Variants in ZFPM2 observed in about 807,000 individuals in gnomAD.
ZFPM2 encodes the protein zinc finger protein, FOG family member 2.
A neutral mutation model predicts 98.6 loss-of-function variants in ZFPM2; 20 were observed. The observed-to-expected ratio is 0.20, with a 90% CI of 0.14 to 0.29. The LOEUF is 0.29. ZFPM2 is among the 10% of genes least tolerant of loss of function. ZFPM2 has a pLI of 1.00. For synonymous variants in ZFPM2, 518 were observed against 502.7 expected, an observed-to-expected ratio of 1.03 and a Z score of -0.41; for missense variants, 1,310 against 1,388.6, an observed-to-expected ratio of 0.94 and a Z score of 0.90.
At chr8:105,462,743 AT>A (rs5893743) in intron 3 of ZFPM2, among the ~76,000 whole-genome samples, 70,992 of 151,712 alleles carry the variant, frequency 0.47, 17,233 homozygotes, top group East Asian at 0.63. Flanking sequence ...TTGTATACAG[AT>A]TTTTTTTGTC....
chr8:105,736,740 AT>A (rs1395249685), intron 5 of ZFPM2, among the ~76,000 whole-genome samples: 5 of 152,044 alleles, frequency 3.3e-5, no homozygotes, highest in Non-Finnish European at 7.4e-5. Flanking sequence ...ATATTTTGTA[AT>A]TTATTAGACA....
chr8:105,780,083 T>C (rs1813205602), intron 5 of ZFPM2, among the ~76,000 whole-genome samples: 1 of 152,228 alleles, frequency 6.6e-6, no homozygotes, highest in East Asian at 1.9e-4. Context: ...AAGGTCTTAG[T>C]AGTTATTCCT....
In ZFPM2 at chr8:105,801,697, A is replaced by G; in HGVS notation, c.1615A>G (p.Ile539Val). Residue 539 changes from isoleucine to valine, a missense_variant, in exon 8 of 8, where the codon ATT becomes GTT. Coordinates refer to ENST00000407775, the MANE Select transcript of ZFPM2 (RefSeq NM_012082.4). The stretch of plus-strand genomic sequence containing the variant: ...TGGCAGTAGTAGCTACCCTCCCGTC[A>G]TTTACAGCCCTTTGATGCCCAAGGG... ...RHGSSSYPPVIYSPLMPKGAT... is the reference protein window; with the variant it reads ...RHGSSSYPPVVYSPLMPKGAT... The G allele has an allele frequency of 6.2e-7, 1 of 1,613,806 alleles. No homozygotes were observed. The highest frequency in any genetic ancestry group is 2.2e-5 in the East Asian group (1 of 44,850).
intron 3 of ZFPM2, among the ~76,000 whole-genome samples, chr8:105,468,980 G>A (rs1206113462): frequency 7.0e-6 from 1 of 143,722 alleles, no homozygotes; most frequent in African/African-American, 2.6e-5. Context: ...TTTTTTTTAT[G>A]TGAGTGATTC....
chr8:105,321,577 G>T (rs1324952942), intron 1 of ZFPM2, among the ~76,000 whole-genome samples: 1 of 151,834 alleles, frequency 6.6e-6, no homozygotes, highest in African/African-American at 2.4e-5. Flanking sequence ...CAATTTAAAG[G>T]ACAAAAAGGT....
intron 5 of ZFPM2, among the ~76,000 whole-genome samples, chr8:105,713,368 G>T (rs1315089931): frequency 2.0e-5 from 3 of 151,730 alleles, no homozygotes; most frequent in Non-Finnish European, 4.4e-5. Context: ...TTTTTAATAG[G>T]GTTATTTGTT....
In ZFPM2 at chr8:105,458,593, A is replaced by G. The variant is rs535292778; in HGVS notation, c.301+14212A>G. ...TGCCACTTACAGAATTAAGTAGGCT[A>G]TATGCCAAATAATATAAAAATGATC... On this transcript the variant is annotated intron_variant, in intron 3 of 7. Coordinates refer to ENST00000407775, the MANE Select transcript of ZFPM2 (RefSeq NM_012082.4). Among the ~76,000 whole-genome samples the G allele has an allele frequency of 1.4e-3, 210 of 152,344 alleles. 2 individuals are homozygous for G. Among genetic ancestry groups the G allele is most frequent in the African/African-American group, 4.7e-3 (197 of 41,590 alleles).
chr8:105,417,802 G>T (rs1023457409), intron 1 of ZFPM2, among the ~76,000 whole-genome samples: 4 of 152,104 alleles, frequency 2.6e-5, no homozygotes, highest in Non-Finnish European at 5.9e-5. Context: ...CATATGGAAT[G>T]TATAATAAAA....
chr8:105,538,125 T>A (rs1416632283), intron 3 of ZFPM2, among the ~76,000 whole-genome samples: 1 of 152,298 alleles, frequency 6.6e-6, no homozygotes, highest in South Asian at 2.1e-4. Context: ...TGAATTCATA[T>A]CCCTCAGTAA....
chr8:105,480,092 A>G (rs987844716), intron 3 of ZFPM2, among the ~76,000 whole-genome samples: 11 of 152,172 alleles, frequency 7.2e-5, no homozygotes, highest in Non-Finnish European at 1.5e-4. Flanking sequence ...TGATTATGGT[A>G]GTACATTGTT....
intron 5 of ZFPM2, among the ~76,000 whole-genome samples, chr8:105,766,947 G>A (rs1184955947): frequency 6.6e-6 from 1 of 151,888 alleles, no homozygotes; most frequent in African/African-American, 2.4e-5. Context: ...TTAAGAAATA[G>A]TCAAGCAAAT....
chr8:105,368,304 C>T (rs1467852367), intron 1 of ZFPM2, among the ~76,000 whole-genome samples: 3 of 151,950 alleles, frequency 2.0e-5, no homozygotes, highest in Admixed American at 6.6e-5. Flanking sequence ...AGGAATGGTA[C>T]CAGTACCACA....
rs568757623 is a variant in ZFPM2, at chr8:105,803,685, A to T, written c.*147A>T. 80 of 736,082 alleles carry T rather than the reference A, an allele frequency of 1.1e-4. No homozygotes were observed. The highest frequency in any genetic ancestry group is 1.6e-4 in the Non-Finnish European group (72 of 455,314). The allele number at this position is 736,082 out of a possible 1,614,324, so 45.6% of individuals were successfully genotyped here. On this transcript the variant is annotated 3_prime_UTR_variant, in exon 8 of 8. Coordinates refer to ENST00000407775, the MANE Select transcript of ZFPM2 (RefSeq NM_012082.4). ...AGTTGAAGACTTAAGGTGTAATTTCATTACAGTCCATTAGTAAAGTGTATT... is the reference window on the plus strand; with the variant it reads ...AGTTGAAGACTTAAGGTGTAATTTCTTTACAGTCCATTAGTAAAGTGTATT...
At chr8:105,460,756 A>G (rs1180837761) in intron 3 of ZFPM2, among the ~76,000 whole-genome samples, 3 of 151,188 alleles carry the variant, frequency 2.0e-5, no homozygotes, top group African/African-American at 7.3e-5. Context: ...TCTTATGGTT[A>G]TACATACAAA....
intron 5 of ZFPM2, among the ~76,000 whole-genome samples, chr8:105,661,409 A>C: frequency 6.6e-6 from 1 of 152,214 alleles, no homozygotes; most frequent in Admixed American, 6.5e-5. Flanking sequence ...TTCTGCGAAT[A>C]TAGGTCTGCA....
At chr8:105,400,311 G>T (rs1000580634) in intron 1 of ZFPM2, among the ~76,000 whole-genome samples, 1 of 151,144 alleles carries the variant, frequency 6.6e-6, no homozygotes, top group African/African-American at 2.4e-5. Context: ...TGTGCACATT[G>T]TGCAGGTTAG....
chr8:105,561,235 C>G (rs889398036), intron 3 of ZFPM2, 128 bp from the exon 4 acceptor site: 2 of 724,674 alleles, frequency 2.8e-6, no homozygotes, highest in African/African-American at 1.8e-5. Context: ...GTTTTTCAGA[C>G]AAGCATAATT....
intron 5 of ZFPM2, among the ~76,000 whole-genome samples, chr8:105,738,926 T>C (rs915780612): frequency 6.6e-6 from 1 of 152,096 alleles, no homozygotes; most frequent in African/African-American, 2.4e-5. Context: ...ATTAGAAGAA[T>C]CCCTTAGGTC....
chr8:105,659,695 A>G (rs1817351839), intron 5 of ZFPM2, among the ~76,000 whole-genome samples: 1 of 152,216 alleles, frequency 6.6e-6, no homozygotes, highest in African/African-American at 2.4e-5. Flanking sequence ...CCCAAAATTC[A>G]GATTCAAACC....
Sources: allele counts gnomAD v4.1 joint callset (sites outside exome capture counted in the v4.1 genomes callset), GRCh38; gene constraint gnomAD v4.1.1; transcripts MANE v1.5; gene names NCBI Gene and HGNC (gene_info 2026-07-23, HGNC 2026-07-21).